SPMIP4: variants seen among roughly 807,000 people sequenced by gnomAD.
The protein encoded by SPMIP4 is sperm microtubule inner protein 4.
chr7:25,169,926 C>T, the SPMIP4 span, among the ~76,000 whole-genome samples: 161 of 152,242 alleles, frequency 1.1e-3, 1 homozygote, highest in African/African-American at 3.6e-3. Flanking sequence ...AGATATATCA[C>T]GTTTTGTTTC....
At chr7:25,158,851 T>C in the SPMIP4 span, among the ~76,000 whole-genome samples, 3 of 139,892 alleles carry the variant, frequency 2.1e-5, no homozygotes, top group African/African-American at 6.1e-5. Context: ...CAAAAGTCTG[T>C]CTCAAAAAAA....
At chr7:25,177,396 T>A in the SPMIP4 span, among the ~76,000 whole-genome samples, 2 of 152,010 alleles carry the variant, frequency 1.3e-5, no homozygotes, top group East Asian at 3.9e-4. Flanking sequence ...GGCAGGAGAA[T>A]TGCTTGAACC....
the SPMIP4 span, chr7:25,180,306 C>G: frequency 6.6e-6 from 1 of 152,330 alleles, no homozygotes; most frequent in East Asian, 1.9e-4. Flanking sequence ...GAAGAGGAAC[C>G]GAGAGTGAAC....
chr7:25,142,703 C>T, the SPMIP4 span: 2 of 1,613,082 alleles, frequency 1.2e-6, no homozygotes, highest in Non-Finnish European at 1.7e-6. Context: ...TGTATGTTGG[C>T]TTCTTTGGCA....
At chr7:25,168,356 A>G in the SPMIP4 span, 2 of 1,613,252 alleles carry the variant, frequency 1.2e-6, no homozygotes, top group South Asian at 2.2e-5. Flanking sequence ...GGAGGCTCAT[A>G]CTTTGGCCTG....
the SPMIP4 span, among the ~76,000 whole-genome samples, chr7:25,157,466 T>C: frequency 6.6e-6 from 1 of 152,060 alleles, no homozygotes; most frequent in Admixed American, 6.5e-5. Flanking sequence ...TGCCGGGCAG[T>C]CAGGGTTAAC....
chr7:25,170,378 G>T, the SPMIP4 span, among the ~76,000 whole-genome samples: 1 of 152,060 alleles, frequency 6.6e-6, no homozygotes, highest in Non-Finnish European at 1.5e-5. Context: ...TGCATTTTTT[G>T]TTATTTGTCT....
chr7:25,170,750 T>C, the SPMIP4 span, among the ~76,000 whole-genome samples: 714 of 152,372 alleles, frequency 4.7e-3, 2 homozygotes, highest in Middle Eastern at 0.01. Context: ...CTTTTGCATG[T>C]GGATATCCAG....
At chr7:25,126,276 TG>T in the SPMIP4 span, among the ~76,000 whole-genome samples, 2 of 152,168 alleles carry the variant, frequency 1.3e-5, no homozygotes, top group Non-Finnish European at 2.9e-5. Flanking sequence ...TCTTCTTCAG[TG>T]GCGCCATTTA....
At chr7:25,162,161 C>T in the SPMIP4 span, among the ~76,000 whole-genome samples, 6 of 151,304 alleles carry the variant, frequency 4.0e-5, no homozygotes, top group Non-Finnish European at 8.8e-5. Flanking sequence ...ATCCCAGCTA[C>T]TCGGGAGGCT....
At chr7:25,161,412 T>C in the SPMIP4 span, 1 of 419,310 alleles carries the variant, frequency 2.4e-6, no homozygotes. Flanking sequence ...TATTATTTTA[T>C]AATAAATAGA....
chr7:25,173,224 C>G, the SPMIP4 span, among the ~76,000 whole-genome samples: 5 of 152,146 alleles, frequency 3.3e-5, no homozygotes, highest in Non-Finnish European at 7.3e-5. The surrounding 1 kb of genome is among the most constrained non-coding windows in gnomAD (Gnocchi z 4.4). Flanking sequence ...CCTCCTCCCC[C>G]ACCTGTAATA....
At chr7:25,168,890 T>C in the SPMIP4 span, among the ~76,000 whole-genome samples, 3 of 151,792 alleles carry the variant, frequency 2.0e-5, no homozygotes, top group Admixed American at 2.0e-4. Flanking sequence ...CACACCCGGG[T>C]AATTTTTGCA....
chr7:25,155,069 C>T, the SPMIP4 span: 15 of 1,614,052 alleles, frequency 9.3e-6, no homozygotes, highest in Non-Finnish European at 1.3e-5. Flanking sequence ...GAGGAAAGGG[C>T]TGCTGGGTGC....
At chr7:25,136,127 T>G in the SPMIP4 span, 1 of 1,614,178 alleles carries the variant, frequency 6.2e-7, no homozygotes, top group African/African-American at 1.3e-5. This position sits in a 1 kb window ranked among gnomAD's most constrained non-coding sequence, Gnocchi z 5.7. Context: ...TCCAGCAGGT[T>G]GGTCTGAGGT....
the SPMIP4 span, among the ~76,000 whole-genome samples, chr7:25,157,295 A>G: frequency 6.6e-6 from 1 of 152,226 alleles, no homozygotes; most frequent in Non-Finnish European, 1.5e-5. Flanking sequence ...AATGCCAAAT[A>G]ATTTATGCAG....
At chr7:25,135,643 A>T in the SPMIP4 span, 1 of 833,180 alleles carries the variant, frequency 1.2e-6, no homozygotes, top group East Asian at 1.0e-4. Flanking sequence ...TTTTTTGGTG[A>T]AACAATGATG....
chr7:25,151,737 A>G, the SPMIP4 span: 1 of 946,746 alleles, frequency 1.1e-6, no homozygotes, highest in South Asian at 1.4e-5. Flanking sequence ...GAGGATTAAT[A>G]GGTACAATAA....
At chr7:25,179,566 C>G in the SPMIP4 span, 1 of 340,610 alleles carries the variant, frequency 2.9e-6, no homozygotes, top group Non-Finnish European at 5.3e-6. Flanking sequence ...CCAGAATGAT[C>G]ATCCAGTAGG....
Sources: gnomAD v4.1 joint callset for allele counts (sites outside exome capture counted in the v4.1 genomes callset) on GRCh38, gnomAD v4.1.1 for gene constraint, Gnocchi (gnomAD v3.1) non-coding constraint, MANE v1.5 for transcripts, NCBI Gene and HGNC (gene_info 2026-07-23, HGNC 2026-07-21) for gene names.